Variants in LYRM4 observed in about 807,000 individuals in gnomAD.
The protein encoded by LYRM4 is LYR motif containing 4, also known as LYR motif-containing protein 4.
LYRM4 carries 9 observed loss-of-function variants against 11.7 expected under a neutral mutation model. The ratio of observed to expected loss-of-function variants is 0.77; its 90% CI spans 0.46 to 1.34. LYRM4 has a LOEUF of 1.34. Ranked by LOEUF, LYRM4 falls within the 40% of genes most tolerant of loss-of-function variation. The probability of loss-of-function intolerance (pLI) is 0.00; values close to 1 mark genes in which losing one functional copy is unlikely to be tolerated. For missense variants in LYRM4, 133 were observed against 112.5 expected (o/e 1.18, Z -0.82); for synonymous variants, 42 against 40.4 (o/e 1.04, Z -0.15).
chr6:5,173,824 A>T (rs76982468), intron 2 of LYRM4, among the ~76,000 whole-genome samples: 2,003 of 152,362 alleles, frequency 0.013, 39 homozygotes, highest in African/African-American at 0.044. Context: ...TTTAAAATAT[A>T]GCCGTAACCT....
intron 1 of LYRM4, among the ~76,000 whole-genome samples, chr6:5,254,391 G>T (rs12525299): frequency 0.22 from 32,724 of 152,110 alleles, 4,464 homozygotes; most frequent in East Asian, 0.43. Context: ...GGATTTTTAC[G>T]CCACAGGAAT....
chr6:5,163,748 A>G (rs1296373900), intron 2 of LYRM4, among the ~76,000 whole-genome samples: 1 of 150,888 alleles, frequency 6.6e-6, no homozygotes. Flanking sequence ...CGAGTAGCTG[A>G]GGTTACAGGC....
chr6:5,149,302 G>C (rs1178836109), intron 2 of LYRM4, among the ~76,000 whole-genome samples: 1 of 152,192 alleles, frequency 6.6e-6, no homozygotes, highest in Admixed American at 6.5e-5. Flanking sequence ...GACCTCACAG[G>C]AGAGGCCCTT....
At chr6:5,154,043 T>C (rs1437907741) in intron 2 of LYRM4, among the ~76,000 whole-genome samples, 1 of 152,116 alleles carries the variant, frequency 6.6e-6, no homozygotes, top group Non-Finnish European at 1.5e-5. Flanking sequence ...TACGGAAACA[T>C]TTTTTTACCT....
rs190367302 is a variant in LYRM4 at position 5,147,917 on chromosome 6, T to C, written c.208-38426A>G. Among the ~76,000 whole-genome samples, 230 of 152,330 alleles carry C rather than the reference T, an allele frequency of 1.5e-3. 1 individual carries two copies. Among genetic ancestry groups the C allele is most frequent in the African/African-American group, 5.4e-3 (226 of 41,580 alleles). The stretch of plus-strand genomic sequence containing the variant: ...TAGCCACGCTGATGAGAGATTACTG[T>C]CCGACTTTCCTTTTGTAAATTAGTG... On this transcript the variant is annotated intron_variant, in intron 2 of 2. Transcript: ENST00000330636.
chr6:5,094,251 G>T, the LYRM4 span, among the ~76,000 whole-genome samples: 4 of 152,198 alleles, frequency 2.6e-5, no homozygotes, highest in African/African-American at 9.7e-5. Context: ...GGAGGCTGAG[G>T]CAGGAGGTTC....
chr6:5,098,133 A>G, the LYRM4 span, among the ~76,000 whole-genome samples: 2 of 152,284 alleles, frequency 1.3e-5, no homozygotes, highest in East Asian at 3.9e-4. Flanking sequence ...TTGGACCTTA[A>G]TTTATACGGA....
chr6:5,248,081 A>G (rs1208727469), intron 1 of LYRM4, among the ~76,000 whole-genome samples: 1 of 152,218 alleles, frequency 6.6e-6, no homozygotes, highest in Non-Finnish European at 1.5e-5. Context: ...GTACTCAAGA[A>G]AAATGTCTTC....
At chr6:5,245,513 T>C (rs906210148) in intron 1 of LYRM4, among the ~76,000 whole-genome samples, 13 of 152,250 alleles carry the variant, frequency 8.5e-5, no homozygotes, top group African/African-American at 3.1e-4. Context: ...GGACATGTTA[T>C]AGCCAGGACT....
chr6:5,197,673 CA>C (rs560685485), intron 2 of LYRM4, among the ~76,000 whole-genome samples: 2 of 151,218 alleles, frequency 1.3e-5, no homozygotes, highest in Non-Finnish European at 1.5e-5. Context: ...GACGCTGCCT[CA>C]AAAAAAATAA....
At chr6:5,058,294 A>C in the LYRM4 span, among the ~76,000 whole-genome samples, 2,681 of 152,308 alleles carry the variant, frequency 0.018, 36 homozygotes, top group South Asian at 0.03. Flanking sequence ...ACAGTGTGAC[A>C]GCAGATGTCT....
downstream of LYRM4, among the ~76,000 whole-genome samples, chr6:5,100,853 C>T (rs759997770): frequency 2.6e-5 from 4 of 152,188 alleles, no homozygotes; most frequent in Non-Finnish European, 5.9e-5. Flanking sequence ...TTTGCTTCGC[C>T]CCCATCCTTT....
At chr6:5,163,646 A>T (rs1413113461) in intron 2 of LYRM4, among the ~76,000 whole-genome samples, 2 of 143,414 alleles carry the variant, frequency 1.4e-5, no homozygotes, top group Non-Finnish European at 3.0e-5. Context: ...TTTGAGATAG[A>T]GTCTCACTAT....
At chr6:5,123,727 G>A (rs1327079672) in intron 2 of LYRM4, among the ~76,000 whole-genome samples, 1 of 152,234 alleles carries the variant, frequency 6.6e-6, no homozygotes, top group African/African-American at 2.4e-5. Context: ...GGCCCATGCC[G>A]ATGGCCCACG....
At chr6:5,138,731 A>G (rs1757246681) in intron 2 of LYRM4, 3 of 1,532,846 alleles carry the variant, frequency 2.0e-6, no homozygotes, top group South Asian at 2.4e-5. Context: ...ATGACTATGG[A>G]CTTTATGCCT....
chr6:5,154,795 G>A lies in LYRM4; in HGVS notation c.208-45304C>T, dbSNP rs1381671564. Among the ~76,000 whole-genome samples the A allele has an allele frequency of 2.0e-5, 3 of 151,972 alleles. No individual in the cohort carries two copies. In the East Asian group the frequency reaches 5.8e-4, roughly 30 times the overall value. On this transcript the variant is annotated intron_variant, in intron 2 of 2. Coordinates refer to ENST00000330636, the MANE Select transcript of LYRM4 (RefSeq NM_020408.6). The stretch of plus-strand genomic sequence containing the variant: ...GATCGCGCCACTGCACTCCAGCCTG[G>A]GCGACAGAGCGAGACTCCGTCTCAA...
rs1229017919 is a variant in LYRM4 at position 5,136,792 on chromosome 6, G to A, written c.208-27301C>T. On this transcript the variant is annotated intron_variant, in intron 2 of 2. Coordinates refer to ENST00000330636, the MANE Select transcript of LYRM4 (RefSeq NM_020408.6). The stretch of plus-strand genomic sequence containing the variant: ...TTCCTTTCCTGTGGCAGAGGGCTCC[G>A]CACAGAAGAAACTCTGGTCTCTTCC... The A allele has an allele frequency of 4.1e-6, 4 of 985,332 alleles. 1 individual carries two copies. Among genetic ancestry groups the A allele is most frequent in the East Asian group, 2.3e-4 (2 of 8,808 alleles). 61.0% of individuals were successfully genotyped at this position (985,332 alleles called of 1,614,324 possible). A position where few individuals can be genotyped will look rare whatever the true frequency, so the allele number is the denominator to read the frequency against.
chr6:5,134,507 ATTATT>A (rs1258679397), intron 2 of LYRM4, among the ~76,000 whole-genome samples: 1 of 152,252 alleles, frequency 6.6e-6, no homozygotes, highest in East Asian at 1.9e-4. Context: ...AGGAATTAGC[ATTATT>A]TTGTTAGTTA....
At chr6:5,221,646 C>T (rs1032075123) in intron 1 of LYRM4, among the ~76,000 whole-genome samples, 1 of 152,190 alleles carries the variant, frequency 6.6e-6, no homozygotes. Context: ...GAGCCAAGAT[C>T]GCGCCACTGC....
Sources: allele counts gnomAD v4.1 joint callset (sites outside exome capture counted in the v4.1 genomes callset), GRCh38; gene constraint gnomAD v4.1.1; transcripts MANE v1.5; gene names NCBI Gene and HGNC (gene_info 2026-07-23, HGNC 2026-07-21).